Variants in STON1 observed in about 807,000 individuals in gnomAD.
STON1 encodes the protein stonin 1, also known as stonin-1.
A neutral mutation model predicts 60.9 loss-of-function variants in STON1; 79 were observed. That is an observed-to-expected ratio of 1.30 (90% CI 1.08 to 1.56). STON1 has a LOEUF of 1.56. Among genes scored for constraint, STON1 ranks in the 40% most tolerant of loss-of-function variants. The pLI, the probability that STON1 is intolerant of heterozygous loss-of-function variation, is 0.00. For missense variants in STON1, 1,166 were observed against 858.9 expected (o/e 1.36, Z -4.47); for synonymous variants, 363 against 306.9 (o/e 1.18, Z -1.91).
At chr2:48,579,962 A>C (rs765703586) in intron 1 of STON1, among the ~76,000 whole-genome samples, 26 of 152,202 alleles carry the variant, frequency 1.7e-4, no homozygotes, top group Non-Finnish European at 2.5e-4. Context: ...GCTGGAGTGC[A>C]ATGGCACTAT....
intron 2 of STON1, among the ~76,000 whole-genome samples, chr2:48,589,944 C>T (rs773091866): frequency 6.6e-6 from 1 of 152,188 alleles, no homozygotes; most frequent in Non-Finnish European, 1.5e-5. Context: ...TTAATCCTCA[C>T]AACAGCCCTT....
chr2:48,581,333 G>T lies in STON1; in HGVS notation c.700G>T (p.Glu234Ter). The T allele has an allele frequency of 6.5e-7, 1 of 1,537,848 alleles. No individual in the cohort carries two copies. Among genetic ancestry groups the T allele is most frequent in the Non-Finnish European group, 8.7e-7 (1 of 1,145,682 alleles). ...ACTCAACTATATCTGTGAGAAGCTT[G>T]AACATCTCCAGTCAGCTGAGAACCA... ...CSLNYICEKL[E>*]HLQSAENQDS... is the part of the protein sequence containing the mutation. The change falls in exon 2 of 4, where the codon GAA becomes TAA. Residue 234 changes from glutamate (E) to a stop codon, truncating the protein, a stop_gained. Coordinates refer to ENST00000404752, the MANE Select transcript of STON1 (RefSeq NM_006873.4). LOFTEE classifies it high-confidence loss of function.
At chr2:48,571,916 G>C (rs1673229307) in intron 1 of STON1, among the ~76,000 whole-genome samples, 1 of 152,200 alleles carries the variant, frequency 6.6e-6, no homozygotes, top group Non-Finnish European at 1.5e-5. Flanking sequence ...TGTAATCCCA[G>C]CACTTTGGGA....
rs1558605931 is a variant in STON1 at position 48,564,584 on chromosome 2, C to CTCCTTCTCCTTCTCCTT, written c.-47-16003_-47-16002insTCCTTCTCCTTCTCCTT. 7.1e-5 allele frequency among the ~76,000 whole-genome samples: 3 copies of CTCCTTCTCCTTCTCCTT among 42,350 alleles called. 1 individual carries two copies. The highest frequency in any genetic ancestry group is 2.5e-4 in the African/African-American group (3 of 12,122). The allele number at this position is 42,350 out of a possible 152,430, so 27.8% of individuals were successfully genotyped here. On this transcript the variant is annotated intron_variant, in intron 1 of 3. Transcript: ENST00000404752. Reference sequence around the variant, plus strand: ...TTCTTCTTCTCCTTCTCCTTCTCCTCCTCCTCCTCCTCCTCCTCCTTCTCC... The same window carrying CTCCTTCTCCTTCTCCTT: ...TTCTTCTTCTCCTTCTCCTTCTCCTCTCCTTCTCCTTCTCCTTCTCCTCCTCCTCCTCCTCCTTCTCC...
chr2:48,536,375 C>A (rs749512152), intron 1 of STON1, among the ~76,000 whole-genome samples: 3 of 151,724 alleles, frequency 2.0e-5, no homozygotes, highest in African/African-American at 7.3e-5. Flanking sequence ...TGGTAAAACC[C>A]CATCTTTACT....
At chr2:48,567,016 A>G (rs1407784255) in intron 1 of STON1, among the ~76,000 whole-genome samples, 1 of 150,124 alleles carries the variant, frequency 6.7e-6, no homozygotes, top group Non-Finnish European at 1.5e-5. Flanking sequence ...GAACAAGGTA[A>G]AAAAAAAAAG....
At chr2:48,583,357 A>G (rs1389016830) in intron 2 of STON1, among the ~76,000 whole-genome samples, 1 of 152,160 alleles carries the variant, frequency 6.6e-6, no homozygotes, top group Non-Finnish European at 1.5e-5. Flanking sequence ...CCAAAATGCT[A>G]GCATTACAGG....
chr2:48,533,275 G>A (rs907163765), intron 1 of STON1, among the ~76,000 whole-genome samples: 30 of 151,938 alleles, frequency 2.0e-4, no homozygotes, highest in African/African-American at 7.3e-4. Context: ...CCACCTACTC[G>A]GGAGGCTGAG....
At chr2:48,537,751 G>C (rs1671486516) in intron 1 of STON1, among the ~76,000 whole-genome samples, 1 of 151,326 alleles carries the variant, frequency 6.6e-6, no homozygotes, top group Middle Eastern at 3.4e-3. Context: ...TCGGGAGGCT[G>C]AGGCACGAAA....
At chr2:48,555,365 A>T (rs1310640616) in intron 1 of STON1, among the ~76,000 whole-genome samples, 12 of 33,854 alleles carry the variant, frequency 3.5e-4, no homozygotes, top group South Asian at 1.4e-3. Context: ...CTGGCCGGGC[A>T]GAGGGGCTCC....
At chr2:48,534,857 C>G (rs1671359432) in intron 1 of STON1, among the ~76,000 whole-genome samples, 1 of 152,212 alleles carries the variant, frequency 6.6e-6, no homozygotes, top group Non-Finnish European at 1.5e-5. Flanking sequence ...CCTCCCATCT[C>G]TTCCAGCTCC....
chr2:48,568,107 G>C (rs1452745227), intron 1 of STON1, among the ~76,000 whole-genome samples: 1 of 152,186 alleles, frequency 6.6e-6, no homozygotes, highest in Non-Finnish European at 1.5e-5. Flanking sequence ...CCTGAGGCTT[G>C]AGTAGGAATT....
intron 1 of STON1, among the ~76,000 whole-genome samples, chr2:48,559,393 C>T (rs954666819): frequency 6.6e-6 from 1 of 152,132 alleles, no homozygotes; most frequent in Non-Finnish European, 1.5e-5. Context: ...CAGATGGCAC[C>T]TTCTATGTGT....
At chr2:48,573,678 T>C (rs905940599) in intron 1 of STON1, among the ~76,000 whole-genome samples, 1 of 152,230 alleles carries the variant, frequency 6.6e-6, no homozygotes, top group African/African-American at 2.4e-5. Context: ...TTTCCACACC[T>C]AGGTATATAC....
intron 2 of STON1, among the ~76,000 whole-genome samples, chr2:48,586,350 A>G (rs1448534968): frequency 1.3e-5 from 2 of 152,186 alleles, no homozygotes; most frequent in South Asian, 2.1e-4. Context: ...ACAGACACAA[A>G]CATGATTCCT....
At chr2:48,545,684 C>G in intron 1 of STON1, among the ~76,000 whole-genome samples, 1 of 152,206 alleles carries the variant, frequency 6.6e-6, no homozygotes, top group East Asian at 1.9e-4. Context: ...CTTCCTGGAA[C>G]TTTTCTGTTT....
chr2:48,597,132 C>A lies in STON1; in HGVS notation c.*1830C>A, dbSNP rs751562465. Reference sequence around the variant, plus strand: ...CCTCCCAAAGTTCTGGGATTAAATGCGTGAGCCACCATGCCCGGCCGCTAT... The same window carrying A: ...CCTCCCAAAGTTCTGGGATTAAATGAGTGAGCCACCATGCCCGGCCGCTAT... On this transcript the variant is annotated 3_prime_UTR_variant, in exon 4 of 4. Transcript: ENST00000404752. The A allele has an allele frequency of 4.6e-5, 7 of 152,218 alleles. No homozygotes were observed. The highest frequency in any genetic ancestry group is 1.7e-4 in the African/African-American group (7 of 41,450). The allele number at this position is 152,218 out of a possible 1,614,324, so 9.4% of individuals were successfully genotyped here. A position where few individuals can be genotyped will look rare whatever the true frequency, so the allele number is the denominator to read the frequency against.
chr2:48,567,844 C>T (rs968944920), intron 1 of STON1, among the ~76,000 whole-genome samples: 3 of 147,032 alleles, frequency 2.0e-5, no homozygotes, highest in Non-Finnish European at 4.5e-5. Flanking sequence ...AGCTAGATTG[C>T]AGCCCTCCAA....
intron 1 of STON1, among the ~76,000 whole-genome samples, chr2:48,536,870 G>T (rs1014812508): frequency 9.9e-5 from 15 of 152,224 alleles, no homozygotes; most frequent in Non-Finnish European, 1.8e-4. Context: ...ATATCTTATA[G>T]ATTTGGTTGA....
Sources: gnomAD v4.1 joint callset for allele counts (sites outside exome capture counted in the v4.1 genomes callset) on GRCh38, gnomAD v4.1.1 for gene constraint, MANE v1.5 for transcripts, NCBI Gene and HGNC (gene_info 2026-07-23, HGNC 2026-07-21) for gene names.